PHIP: variants seen among roughly 807,000 people sequenced by gnomAD.
PHIP encodes PH-interacting protein.
PHIP carries 54 observed loss-of-function variants against 236.8 expected under a neutral mutation model. The observed-to-expected ratio is 0.23, with a 90% CI of 0.18 to 0.29. The LOEUF is 0.29. PHIP is among the 10% of genes least tolerant of loss of function. The probability of loss-of-function intolerance (pLI) is 1.00; values close to 1 mark genes in which losing one functional copy is unlikely to be tolerated. For synonymous variants in PHIP, 756 were observed against 718.9 expected (o/e 1.05, Z -0.83); for missense variants, 1,370 against 2,190.8 (o/e 0.63, Z 7.48).
At chr6:79,046,971 T>C (rs1405179453) in intron 6 of PHIP, among the ~76,000 whole-genome samples, 1 of 151,988 alleles carries the variant, frequency 6.6e-6, no homozygotes, top group Non-Finnish European at 1.5e-5. Flanking sequence ...TAAATAGTGC[T>C]TCATTTTAAC....
At position 78,955,513 on chromosome 6, in the gene PHIP, A is replaced by G. The variant is rs183101252; in HGVS notation, c.3852+100T>C. The stretch of plus-strand genomic sequence containing the variant: ...TTTTTTAAATTAACTACACTAGACA[A>G]AAAATAATGTTCACAACAGCTTTTA... On this transcript the variant is annotated intron_variant, in intron 33 of 39. Transcript: ENST00000275034. 1,797 of 571,620 alleles carry G rather than the reference A, an allele frequency of 3.1e-3. 21 individuals carry two copies. The highest frequency in any genetic ancestry group is 0.018 in the Middle Eastern group (40 of 2,212). The allele number at this position is 571,620 out of a possible 1,614,324, so 35.4% of individuals were successfully genotyped here. A position where few individuals can be genotyped will look rare whatever the true frequency, so the allele number is the denominator to read the frequency against.
chr6:79,012,922 A>G (rs4706747), intron 15 of PHIP, among the ~76,000 whole-genome samples: 68,733 of 151,516 alleles, frequency 0.45, 16,186 homozygotes, highest in East Asian at 0.69. Flanking sequence ...AGATCCACTC[A>G]GATTTATTAC....
rs1340348904 is a variant in PHIP, at chr6:78,966,043, C to T, written c.3219G>A (p.Arg1073=). The T allele has an allele frequency of 6.2e-7, 1 of 1,612,142 alleles. No homozygotes were observed. The highest frequency in any genetic ancestry group is 8.5e-7 in the Non-Finnish European group (1 of 1,178,318). The change falls in exon 28 of 40, where the codon AGG becomes AGA. Residue 1073 remains arginine, a synonymous_variant. Coordinates refer to ENST00000275034, the MANE Select transcript of PHIP (RefSeq NM_017934.7). ...ACCACCAGGCATCATCTATGACAGA[C>T]CTGAAGCGGTCACCTGGCCAAGAAC... ...YRRWNIGDRF[R]SVIDDAWWFG... is the part of the protein sequence containing the mutation.
intron 6 of PHIP, among the ~76,000 whole-genome samples, chr6:79,044,036 T>C (rs1241648959): frequency 1.3e-5 from 2 of 152,066 alleles, no homozygotes; most frequent in East Asian, 3.9e-4. Flanking sequence ...GCTTATATTA[T>C]TCACATCCAA....
intron 4 of PHIP, chr6:79,067,881 TGAGA>T (rs1175419409): frequency 6.5e-6 from 1 of 152,692 alleles, no homozygotes; most frequent in African/African-American, 2.4e-5. Context: ...GGTCATCTTC[TGAGA>T]ATGTGAATTA....
chr6:78,959,785 C>A (rs897115223), intron 31 of PHIP, among the ~76,000 whole-genome samples: 5 of 152,068 alleles, frequency 3.3e-5, no homozygotes, highest in African/African-American at 1.2e-4. Context: ...TATAATGTAT[C>A]TTGAAATACA....
chr6:78,938,332 C>G lies in PHIP; in HGVS notation c.*2361G>C, dbSNP rs1049651199. The G allele has an allele frequency of 5.7e-4, 86 of 151,556 alleles. No homozygotes were observed. Among genetic ancestry groups the G allele is most frequent in the African/African-American group, 1.6e-3 (68 of 41,384 alleles). 9.4% of individuals were successfully genotyped at this position (151,556 alleles called of 1,614,324 possible). On this transcript the variant is annotated 3_prime_UTR_variant, in exon 40 of 40. Coordinates refer to ENST00000275034, the MANE Select transcript of PHIP (RefSeq NM_017934.7). ...TGTTATAGGAAAGATGGTAAATACT[C>G]ATTTCTTTGCTTGAGTTGGAATTAA...
Position 79,003,048 on chromosome 6 carries a change from C to CA in PHIP, c.1653+681dup, listed in dbSNP as rs1770088485. 3.3e-5 allele frequency among the ~76,000 whole-genome samples: 5 copies of CA among 151,944 alleles called. No individual in the cohort carries two copies. In the South Asian group the frequency reaches 1.0e-3, roughly 32 times the overall value. On this transcript the variant is annotated intron_variant, in intron 16 of 39. Coordinates refer to ENST00000275034, the MANE Select transcript of PHIP (RefSeq NM_017934.7). ...TATTTACTATCATAACCTTTTATAC[C>CA]ATTCCACCACAAGTAAGCAATTTAA...
At chr6:78,993,699 T>C (rs1319912867) in intron 19 of PHIP, among the ~76,000 whole-genome samples, 1 of 152,204 alleles carries the variant, frequency 6.6e-6, no homozygotes, top group African/African-American at 2.4e-5. Context: ...CATGATTGCT[T>C]TCAAAATATT....
intron 6 of PHIP, among the ~76,000 whole-genome samples, chr6:79,047,207 G>A (rs1430247538): frequency 6.6e-6 from 1 of 152,146 alleles, no homozygotes; most frequent in African/African-American, 2.4e-5. Flanking sequence ...AAGCCAATTA[G>A]TAGAGATCAA....
intron 24 of PHIP, among the ~76,000 whole-genome samples, chr6:78,973,320 C>A (rs1167582423): frequency 6.6e-6 from 1 of 150,648 alleles, no homozygotes; most frequent in Non-Finnish European, 1.5e-5. Flanking sequence ...TACAGACAAG[C>A]AAATGCTGAG....
chr6:79,029,610 ACCT>A (rs1421227541), intron 7 of PHIP, among the ~76,000 whole-genome samples: 1 of 151,896 alleles, frequency 6.6e-6, no homozygotes, highest in Non-Finnish European at 1.5e-5. Flanking sequence ...GCTCACTGTG[ACCT>A]CCACCTCCCA....
intron 32 of PHIP, chr6:78,957,669 T>C (rs1281293943): frequency 6.6e-6 from 1 of 151,842 alleles, no homozygotes; most frequent in Non-Finnish European, 1.5e-5. Context: ...AAAATGCTGT[T>C]ACTACTTCTC....
At chr6:79,040,186 A>T (rs980521894) in intron 7 of PHIP, among the ~76,000 whole-genome samples, 2 of 152,100 alleles carry the variant, frequency 1.3e-5, no homozygotes, top group African/African-American at 4.8e-5. Flanking sequence ...GGTTGGTACT[A>T]TTATCATCTA....
At chr6:78,999,319 A>G (rs1044195278) in intron 17 of PHIP, among the ~76,000 whole-genome samples, 1 of 152,180 alleles carries the variant, frequency 6.6e-6, no homozygotes, top group Non-Finnish European at 1.5e-5. Context: ...CTCTTAACTT[A>G]CCATTCCAGC....
At position 78,958,473 on chromosome 6, in the gene PHIP, A is replaced by G; in HGVS notation, c.3782+2T>C. On this transcript the variant is annotated splice_donor_variant, in intron 32 of 39. Coordinates refer to ENST00000275034, the MANE Select transcript of PHIP (RefSeq NM_017934.7). LOFTEE classifies it high-confidence loss of function. ...ATAATTACATATGAAAAGATAACTT[A>G]CTTTATAAAATGTAGAAGAAGATCA... 1 of 1,478,294 alleles carries G rather than the reference A, an allele frequency of 6.8e-7. No homozygotes were observed. Among genetic ancestry groups the G allele is most frequent in the East Asian group, 2.3e-5 (1 of 44,138 alleles). 91.6% of individuals were successfully genotyped at this position (1,478,294 alleles called of 1,614,324 possible). A position where few individuals can be genotyped will look rare whatever the true frequency, so the allele number is the denominator to read the frequency against.
chr6:78,985,080 T>C (rs1350272106), intron 22 of PHIP, among the ~76,000 whole-genome samples: 1 of 152,146 alleles, frequency 6.6e-6, no homozygotes, highest in African/African-American at 2.4e-5. Context: ...GTAATGAAAC[T>C]GGTTTGCAAT....
At chr6:79,046,114 C>T (rs1006734023) in intron 6 of PHIP, among the ~76,000 whole-genome samples, 1 of 152,178 alleles carries the variant, frequency 6.6e-6, no homozygotes, top group Non-Finnish European at 1.5e-5. Flanking sequence ...CTCCCATTAT[C>T]TCTAACCTTA....
At chr6:79,061,432 C>T (rs538431211) in intron 4 of PHIP, among the ~76,000 whole-genome samples, 4 of 152,114 alleles carry the variant, frequency 2.6e-5, no homozygotes, top group South Asian at 2.1e-4. Context: ...CATGAATGCA[C>T]GGTGGAGGTT....
Sources: allele counts gnomAD v4.1 joint callset (sites outside exome capture counted in the v4.1 genomes callset), GRCh38; gene constraint gnomAD v4.1.1; transcripts MANE v1.5; gene names NCBI Gene and HGNC (gene_info 2026-07-23, HGNC 2026-07-21).